DPY19L4: variants seen among roughly 807,000 people sequenced by gnomAD.
DPY19L4 encodes the protein dpy-19 like 4, also known as probable C-mannosyltransferase DPY19L4.
A neutral mutation model predicts 102.8 loss-of-function variants in DPY19L4; 97 were observed. The ratio of observed to expected loss-of-function variants is 0.94; its 90% CI spans 0.80 to 1.12. The LOEUF (loss-of-function observed/expected upper bound fraction) is 1.12. Ranked by LOEUF, DPY19L4 falls within the 50% of genes most tolerant of loss-of-function variation. The pLI, the probability that DPY19L4 is intolerant of heterozygous loss-of-function variation, is 0.00. For synonymous variants in DPY19L4, 252 were observed against 283.1 expected (o/e 0.89, Z 1.10); for missense variants, 815 against 850.4 (o/e 0.96, Z 0.52).
chr8:94,767,032 T>G (rs1346108137), intron 11 of DPY19L4, among the ~76,000 whole-genome samples: 1 of 146,140 alleles, frequency 6.8e-6, no homozygotes, highest in Non-Finnish European at 1.5e-5. Flanking sequence ...ATCACGCCAG[T>G]GCACCCCAGC....
At chr8:94,733,572 T>G (rs761488277) in intron 2 of DPY19L4, among the ~76,000 whole-genome samples, 2 of 151,296 alleles carry the variant, frequency 1.3e-5, no homozygotes, top group Non-Finnish European at 3.0e-5. Context: ...GACAGAGTCT[T>G]GCTCTGTTGC....
chr8:94,752,188 A>G (rs147562707), intron 6 of DPY19L4, among the ~76,000 whole-genome samples: 124 of 152,252 alleles, frequency 8.1e-4, no homozygotes, highest in African/African-American at 2.9e-3. Flanking sequence ...CATGTCGTCT[A>G]TATTCTTGTA....
At chr8:94,750,232 G>T (rs78558549) in intron 6 of DPY19L4, among the ~76,000 whole-genome samples, 5,410 of 152,090 alleles carry the variant, frequency 0.036, 118 homozygotes, top group Admixed American at 0.041. Context: ...ACTGTGCCTC[G>T]CGTGGTTCAT....
intron 12 of DPY19L4, 150 bp from the exon 13 acceptor site, chr8:94,770,302 A>G: frequency 1.1e-6 from 1 of 874,548 alleles, no homozygotes; most frequent in African/African-American, 1.7e-5. Flanking sequence ...CTAGCAGAAT[A>G]TACTTTCAAA....
At chr8:94,720,908 A>G (rs545706660) in intron 1 of DPY19L4, among the ~76,000 whole-genome samples, 1 of 151,518 alleles carries the variant, frequency 6.6e-6, no homozygotes, top group Admixed American at 6.6e-5. Flanking sequence ...GGAGCTGTGG[A>G]TGTGATAGTA....
At chr8:94,786,361 G>A (rs560238296) in intron 17 of DPY19L4, among the ~76,000 whole-genome samples, 4 of 152,174 alleles carry the variant, frequency 2.6e-5, no homozygotes, top group Non-Finnish European at 5.9e-5. Flanking sequence ...CTGAGCTCAG[G>A]CAATCCGCCT....
At chr8:94,727,221 G>A (rs1180711341) in intron 2 of DPY19L4, among the ~76,000 whole-genome samples, 1 of 150,496 alleles carries the variant, frequency 6.6e-6, no homozygotes, top group East Asian at 1.9e-4. Flanking sequence ...TTACAGCTAT[G>A]ATTGATTGAT....
chr8:94,740,182 G>A (rs1811382230), intron 6 of DPY19L4, among the ~76,000 whole-genome samples: 1 of 152,194 alleles, frequency 6.6e-6, no homozygotes, highest in Non-Finnish European at 1.5e-5. Context: ...TTAGCTTAGG[G>A]ATACTGAGCA....
chr8:94,791,352 C>T lies in DPY19L4; in HGVS notation c.*1442C>T, dbSNP rs1247986099. The T allele has an allele frequency of 6.6e-6, 1 of 152,164 alleles. No individual in the cohort carries two copies. Among genetic ancestry groups the T allele is most frequent in the Non-Finnish European group, 1.5e-5 (1 of 67,996 alleles). 9.4% of individuals were successfully genotyped at this position (152,164 alleles called of 1,614,324 possible). ...TAAAGTACATGCATTCTTAGACTAA[C>T]TCTCAGATGCTTTGCTCTTTTGGAG... On this transcript the variant is annotated 3_prime_UTR_variant, in exon 19 of 19. Coordinates refer to ENST00000414645, the MANE Select transcript of DPY19L4 (RefSeq NM_181787.3).
chr8:94,781,048 T>A (rs1433799016), intron 15 of DPY19L4, 36 bp from the exon 16 acceptor site: 8 of 1,446,838 alleles, frequency 5.5e-6, no homozygotes, highest in African/African-American at 1.7e-5. Flanking sequence ...GACATACATC[T>A]TTTGGGGATT....
At position 94,789,778 on chromosome 8, in the gene DPY19L4, C is replaced by T; in HGVS notation, c.2040C>T (p.Tyr680=). The change falls in exon 19 of 19, where the codon TAC becomes TAT. Residue 680 remains tyrosine (Y), a synonymous_variant. Coordinates refer to ENST00000414645, the MANE Select transcript of DPY19L4 (RefSeq NM_181787.3). ...MVCEEGDKLT[Y]SKYGRFCHEV... Reference sequence around the variant, plus strand: ...GTGAAGAAGGTGACAAGCTAACCTACTCAAAATATGGGCGATTTTGTCATG... The same window carrying T: ...GTGAAGAAGGTGACAAGCTAACCTATTCAAAATATGGGCGATTTTGTCATG... The T allele has an allele frequency of 6.2e-7, 1 of 1,609,912 alleles. No individual in the cohort carries two copies. Among genetic ancestry groups the T allele is most frequent in the Non-Finnish European group, 8.5e-7 (1 of 1,178,290 alleles).
At chr8:94,741,024 T>G (rs1175845318) in intron 6 of DPY19L4, among the ~76,000 whole-genome samples, 4 of 152,226 alleles carry the variant, frequency 2.6e-5, no homozygotes, top group Non-Finnish European at 5.9e-5. Flanking sequence ...TGTGGTGTCA[T>G]TTAGCTTTTA....
chr8:94,745,262 A>C (rs1457118645), intron 6 of DPY19L4, among the ~76,000 whole-genome samples: 1 of 152,036 alleles, frequency 6.6e-6, no homozygotes, highest in African/African-American at 2.4e-5. Flanking sequence ...GAGGTGAGTG[A>C]CTCCCTTTGA....
At chr8:94,757,682 C>G (rs1052366885) in intron 7 of DPY19L4, among the ~76,000 whole-genome samples, 9 of 152,042 alleles carry the variant, frequency 5.9e-5, no homozygotes, top group African/African-American at 2.2e-4. Context: ...AGGGCTGGGA[C>G]TACAGCCGTG....
At chr8:94,766,065 T>C (rs1443269392) in intron 10 of DPY19L4, among the ~76,000 whole-genome samples, 1 of 152,204 alleles carries the variant, frequency 6.6e-6, no homozygotes, top group Non-Finnish European at 1.5e-5. Flanking sequence ...TTAAGCAATA[T>C]ATGGAATAAA....
At chr8:94,781,191 A>G (rs769511812) in intron 16 of DPY19L4, 25 bp downstream of exon 16, 1 of 1,507,914 alleles carries the variant, frequency 6.6e-7, no homozygotes, top group South Asian at 1.3e-5. Flanking sequence ...GCCCAAGACT[A>G]TTATTAAGCT....
chr8:94,723,088 C>T (rs1451774852), intron 1 of DPY19L4, among the ~76,000 whole-genome samples: 1 of 152,212 alleles, frequency 6.6e-6, no homozygotes, highest in Non-Finnish European at 1.5e-5. Flanking sequence ...GATGACTGGA[C>T]TGAAGTCTGA....
chr8:94,756,981 C>T (rs372151310), intron 7 of DPY19L4, among the ~76,000 whole-genome samples: 2 of 152,164 alleles, frequency 1.3e-5, no homozygotes, highest in South Asian at 2.1e-4. Flanking sequence ...GCTGAGATCA[C>T]GCCACTGCCT....
intron 18 of DPY19L4, among the ~76,000 whole-genome samples, chr8:94,789,188 A>G (rs1017970700): frequency 6.6e-6 from 1 of 152,184 alleles, no homozygotes; most frequent in Non-Finnish European, 1.5e-5. Context: ...CATGCCTGGC[A>G]TGGACTTAAG....
Sources: allele counts gnomAD v4.1 joint callset (sites outside exome capture counted in the v4.1 genomes callset), GRCh38; gene constraint gnomAD v4.1.1; transcripts MANE v1.5; gene names NCBI Gene and HGNC (gene_info 2026-07-23, HGNC 2026-07-21).